SCAF4: variants seen among roughly 807,000 people sequenced by gnomAD.
SCAF4 encodes the protein SR-related and CTD-associated factor 4.
Under a neutral mutation model 129.8 loss-of-function variants are expected in SCAF4, and 25 were observed. The ratio of observed to expected loss-of-function variants is 0.19; its 90% CI spans 0.14 to 0.27. SCAF4 has a LOEUF of 0.27. SCAF4 is among the 10% of genes least tolerant of loss of function. The probability of loss-of-function intolerance (pLI) is 1.00; values close to 1 mark genes in which losing one functional copy is unlikely to be tolerated. For missense variants in SCAF4, 1,246 were observed against 1,457.1 expected (o/e 0.86, Z 2.36); for synonymous variants, 551 against 497.7 (o/e 1.11, Z -1.43).
At chr21:31,686,816 TCTAA>T (rs2050137812) in intron 16 of SCAF4, among the ~76,000 whole-genome samples, 1 of 152,134 alleles carries the variant, frequency 6.6e-6, no homozygotes, top group Non-Finnish European at 1.5e-5. Flanking sequence ...CTTATGAGAA[TCTAA>T]CTAATGCCTG....
At position 31,726,156 on chromosome 21, in the gene SCAF4, C is replaced by A. The variant is rs2051198813; in HGVS notation, c.30+5507G>T. On this transcript the variant is annotated intron_variant, in intron 1 of 19. Transcript: ENST00000286835. ...CGCCTCCCGGGTTCACACCATTCTC[C>A]TGCCTCAGCCTCCCAAGTAGCTGGG... Among the ~76,000 whole-genome samples the A allele has an allele frequency of 5.9e-5, 9 of 152,114 alleles. No homozygotes were observed. In the South Asian group the frequency reaches 1.9e-3, roughly 32 times the overall value.
intron 1 of SCAF4, among the ~76,000 whole-genome samples, chr21:31,727,215 A>G (rs1396457652): frequency 6.6e-6 from 1 of 152,018 alleles, no homozygotes; most frequent in African/African-American, 2.4e-5. Context: ...AGTAGCTGGG[A>G]TTACAGGCGC....
At chr21:31,698,247 A>T (rs544656450) in intron 7 of SCAF4, among the ~76,000 whole-genome samples, 1 of 152,358 alleles carries the variant, frequency 6.6e-6, no homozygotes, top group South Asian at 2.1e-4. Flanking sequence ...TAGCTGAAAC[A>T]GACAAATTAT....
At chr21:31,696,977 A>C (rs546655888) in intron 7 of SCAF4, among the ~76,000 whole-genome samples, 2 of 152,228 alleles carry the variant, frequency 1.3e-5, no homozygotes, top group South Asian at 4.1e-4. Context: ...TCCTTCCTCA[A>C]TTGTAAGTAC....
At position 31,685,657 on chromosome 21, in the gene SCAF4, G is replaced by A. The variant is rs140696970; in HGVS notation, c.2120C>T (p.Pro707Leu). The change falls in exon 17 of 20, where the codon CCG (proline) becomes CTG (leucine). Residue 707 changes from proline to leucine, a missense_variant. Physicochemically the swap from Pro to Leu is moderately conservative, Grantham distance 98 (BLOSUM62 -3). Around this residue, in one of 6 missense-constraint regions of SCAF4, gnomAD observed 468 missense variants for 605.5 expected, o/e 0.77. Transcript: ENST00000286835. ...PPAFTPPLGIPPPGFGPGVPP... is the reference protein window; with the variant it reads ...PPAFTPPLGILPPGFGPGVPP... Reference sequence around the variant, plus strand: ...AACACCAGGACCAAAGCCTGGAGGCGGTATTCCCAGAGGAGGCGTGAAAGC... The same window carrying A: ...AACACCAGGACCAAAGCCTGGAGGCAGTATTCCCAGAGGAGGCGTGAAAGC... The A allele has an allele frequency of 1.4e-5, 23 of 1,613,706 alleles. No individual in the cohort carries two copies. The highest frequency in any genetic ancestry group is 1.8e-5 in the Non-Finnish European group (21 of 1,179,916).
At chr21:31,677,379 A>C (rs1392746690) in intron 19 of SCAF4, among the ~76,000 whole-genome samples, 1 of 152,094 alleles carries the variant, frequency 6.6e-6, no homozygotes, top group Non-Finnish European at 1.5e-5. Flanking sequence ...CAAAAATTAA[A>C]AACTCCCTCA....
chr21:31,720,787 C>T (rs1210078985), intron 1 of SCAF4, among the ~76,000 whole-genome samples: 1 of 152,186 alleles, frequency 6.6e-6, no homozygotes, highest in African/African-American at 2.4e-5. Context: ...AAACTGTTCC[C>T]ACTGGATTAC....
chr21:31,702,439 T>G, intron 4 of SCAF4, 60 bp from the exon 5 acceptor site: 2 of 1,456,898 alleles, frequency 1.4e-6, no homozygotes, highest in South Asian at 1.2e-5. Context: ...CCGATTATAC[T>G]CTTACAAAAA....
Position 31,673,182 on chromosome 21 carries a change from TAA to T in SCAF4, c.2489-830_2489-829del, listed in dbSNP as rs566752471. 4.6e-5 allele frequency among the ~76,000 whole-genome samples: 7 copies of T among 152,258 alleles called. No homozygotes were observed. The South Asian group carries it at 1.2e-3, about 27-fold the overall frequency. On this transcript the variant is annotated intron_variant, in intron 19 of 19. Transcript: ENST00000286835. ...ACATGAGGGTTTGCTCATACTGATA[TAA>T]GAGTCACGCAAGTTCAACAACCTGT...
intron 1 of SCAF4, among the ~76,000 whole-genome samples, chr21:31,713,553 G>A (rs2123644160): frequency 6.6e-6 from 1 of 152,318 alleles, no homozygotes; most frequent in Admixed American, 6.5e-5. Flanking sequence ...ACTGTGGGTT[G>A]AGATCCAGGA....
chr21:31,699,940 C>T (rs1242070050), intron 7 of SCAF4, among the ~76,000 whole-genome samples: 1 of 152,072 alleles, frequency 6.6e-6, no homozygotes, highest in Non-Finnish European at 1.5e-5. Flanking sequence ...GCAGCTGAGA[C>T]ACTGACCTAA....
intron 1 of SCAF4, among the ~76,000 whole-genome samples, chr21:31,718,532 G>A (rs2050994084): frequency 6.6e-6 from 1 of 151,438 alleles, no homozygotes; most frequent in South Asian, 2.1e-4. Flanking sequence ...CTGGTCTCAA[G>A]GGATTTGCCA....
rs1195494379 is a variant in SCAF4 at position 31,721,163 on chromosome 21, C to G, written c.30+10500G>C. Among the ~76,000 whole-genome samples the G allele has an allele frequency of 2.0e-5, 3 of 152,156 alleles. No homozygotes were observed. In the East Asian group the frequency reaches 5.8e-4, roughly 29 times the overall value. The stretch of plus-strand genomic sequence containing the variant: ...TCTCCATTCCTCCTTTTGCTGTCTG[C>G]CAGCCAATAATCTACTTTCTGTCTC... On this transcript the variant is annotated intron_variant, in intron 1 of 19. Coordinates refer to ENST00000286835, the MANE Select transcript of SCAF4 (RefSeq NM_020706.2).
intron 1 of SCAF4, among the ~76,000 whole-genome samples, chr21:31,729,644 T>G (rs974894738): frequency 1.5e-4 from 23 of 152,350 alleles, no homozygotes; most frequent in Middle Eastern, 6.8e-3. Context: ...CACAGTAAGA[T>G]GAATTTTAAA....
intron 19 of SCAF4, among the ~76,000 whole-genome samples, chr21:31,680,539 T>C (rs1246568003): frequency 6.6e-6 from 1 of 152,246 alleles, no homozygotes; most frequent in African/African-American, 2.4e-5. Flanking sequence ...AACAGGCTTT[T>C]TGGGTACCAA....
chr21:31,702,267 G>A lies in SCAF4; in HGVS notation c.434C>T (p.Ala145Val), dbSNP rs909454445. ...ACCTTCATTATTGGTAACATTTTCT[G>A]CTACTGGGGCTGCATTACTGGTTCC... ...AAGTSNAAPV[A>V]ENVTNNEGSP... The change falls in exon 5 of 20, where the codon GCA (alanine) becomes GTA (valine). Residue 145 changes from alanine (A) to valine (V), a missense_variant. Around this residue, in one of 6 missense-constraint regions of SCAF4, gnomAD observed 143 missense variants for 161.0 expected, o/e 0.89. Transcript: ENST00000286835. 2 of 1,613,888 alleles carry A rather than the reference G, an allele frequency of 1.2e-6. No individual in the cohort carries two copies. Among genetic ancestry groups the A allele is most frequent in the Non-Finnish European group, 1.7e-6 (2 of 1,179,986 alleles).
chr21:31,732,034 C>G lies in SCAF4; in HGVS notation c.-342G>C, dbSNP rs1191985869. On this transcript the variant is annotated 5_prime_UTR_variant, in exon 1 of 20. Transcript: ENST00000286835. ...CCTCACGCACTGGCTCACACTGGCC[C>G]GGCCGGCGAGCGGGCGGGCCTCTCT... 2.3e-6 allele frequency: 1 copy of G among 431,854 alleles called. No individual in the cohort carries two copies. Among genetic ancestry groups the G allele is most frequent in the Admixed American group, 4.4e-5 (1 of 22,662 alleles). 26.8% of individuals were successfully genotyped at this position (431,854 alleles called of 1,614,324 possible).
chr21:31,723,592 T>C (rs1382882243), intron 1 of SCAF4, among the ~76,000 whole-genome samples: 1 of 150,314 alleles, frequency 6.7e-6, no homozygotes, highest in East Asian at 2.0e-4. Context: ...AATTTAAAAG[T>C]CTGGTATGAT....
chr21:31,731,417 G>T (rs932172947), intron 1 of SCAF4, among the ~76,000 whole-genome samples: 5 of 152,222 alleles, frequency 3.3e-5, no homozygotes, highest in Admixed American at 2.0e-4. Context: ...CCGCAAGGGG[G>T]CGAGGGGAGA....
Sources: gnomAD v4.1 joint callset for allele counts (sites outside exome capture counted in the v4.1 genomes callset) on GRCh38, gnomAD v4.1.1 for gene constraint, gnomAD v4.1.1 regional missense constraint, MANE v1.5 for transcripts, NCBI Gene and HGNC (gene_info 2026-07-23, HGNC 2026-07-21) for gene names.